The following SYTL3 variants were observed in gnomAD, a reference collection of about 807,000 sequenced individuals.
SYTL3 encodes synaptotagmin like 3.
Under a neutral mutation model 82.1 loss-of-function variants are expected in SYTL3, and 88 were observed. The ratio of observed to expected loss-of-function variants is 1.07; its 90% CI spans 0.90 to 1.28. The LOEUF (loss-of-function observed/expected upper bound fraction) is 1.28, where lower values mean the gene tolerates loss of function less well. Ranked by LOEUF, SYTL3 falls within the 50% of genes most tolerant of loss-of-function variation. The pLI, the probability that SYTL3 is intolerant of heterozygous loss-of-function variation, is 0.00. For synonymous variants in SYTL3, 311 were observed against 289.4 expected (o/e 1.07, Z -0.76); for missense variants, 831 against 757.6 (o/e 1.10, Z -1.14).
chr6:158,745,452 T>G, intron 11 of SYTL3, 28 bp from the exon 12 acceptor site: 1 of 1,583,736 alleles, frequency 6.3e-7, no homozygotes, highest in Non-Finnish European at 8.6e-7. Context: ...CTGAAGTAAC[T>G]TATTATATCT....
At position 158,764,521 on chromosome 6, in the gene SYTL3, G is replaced by A. The variant is rs1392844095; in HGVS notation, c.1750G>A (p.Ala584Thr). 6.2e-7 allele frequency: 1 copy of A among 1,613,970 alleles called. No individual in the cohort carries two copies. Among genetic ancestry groups the A allele is most frequent in the Admixed American group, 1.7e-5 (1 of 60,030 alleles). The part of the protein sequence containing the change: ...SKGDTAVGGD[A>T]CSLSKLQWQK... ...GGGAGACACAGCTGTTGGCGGGGAT[G>A]CATGCTCACTATCGAAGCTCCAGTG... The change falls in exon 18 of 18, where the codon GCA becomes ACA. Residue 584 changes from alanine to threonine, a missense_variant. By Grantham distance (58) the Ala-to-Thr change is moderately conservative. Transcript: ENST00000611299.
intron 6 of SYTL3, among the ~76,000 whole-genome samples, chr6:158,697,917 G>A (rs1434430929): frequency 6.6e-6 from 1 of 152,186 alleles, no homozygotes; most frequent in African/African-American, 2.4e-5. Context: ...TCTGGTGGCA[G>A]AAGGATGCTG....
intron 2 of SYTL3, among the ~76,000 whole-genome samples, chr6:158,659,012 G>A (rs1045676821): frequency 1.3e-5 from 2 of 152,214 alleles, no homozygotes; most frequent in Admixed American, 1.3e-4. Context: ...GTTGATTGTT[G>A]TTCTAAGTGC....
intron 12 of SYTL3, among the ~76,000 whole-genome samples, chr6:158,747,142 A>G (rs1165723954): frequency 6.6e-6 from 1 of 151,536 alleles, no homozygotes; most frequent in Non-Finnish European, 1.5e-5. Context: ...GCCCGCCACC[A>G]CACCTGGCTA....
rs1308024914 is a variant in SYTL3 at position 158,651,859 on chromosome 6, A to G, written c.-637+17A>G. 6.6e-6 allele frequency: 1 copy of G among 151,840 alleles called. No individual in the cohort carries two copies. The highest frequency in any genetic ancestry group is 1.5e-5 in the Non-Finnish European group (1 of 67,970). 9.4% of individuals were successfully genotyped at this position (151,840 alleles called of 1,614,324 possible). On this transcript the variant is annotated intron_variant, in intron 2 of 17. Coordinates refer to ENST00000611299, the MANE Select transcript of SYTL3 (RefSeq NM_001242394.2). ...CTCTCTCAGGTAGGCTTCAAGTTTTATAGATTCAAGCCCACGTGTGAGTCT... is the reference window on the plus strand; with the variant it reads ...CTCTCTCAGGTAGGCTTCAAGTTTTGTAGATTCAAGCCCACGTGTGAGTCT...
At position 158,718,218 on chromosome 6, in the gene SYTL3, T is replaced by C; in HGVS notation, c.720+7T>C. The C allele has an allele frequency of 6.6e-7, 1 of 1,522,820 alleles. No individual in the cohort carries two copies. The highest frequency in any genetic ancestry group is 8.8e-7 in the Non-Finnish European group (1 of 1,132,726). 94.3% of individuals were successfully genotyped at this position (1,522,820 alleles called of 1,614,324 possible). ...GGTCAACGTCACCACCAGGGTACCC[T>C]GAGCCCCACAAGGCCTCCACGCTGA... On this transcript the variant is annotated splice_region_variant and intron_variant, in intron 10 of 17. Coordinates refer to ENST00000611299, the MANE Select transcript of SYTL3 (RefSeq NM_001242394.2).
At position 158,764,669 on chromosome 6, in the gene SYTL3, C is replaced by T. The variant is rs562298559; in HGVS notation, c.*65C>T. 36 of 1,192,888 alleles carry T rather than the reference C, an allele frequency of 3.0e-5. No individual in the cohort carries two copies. The highest frequency in any genetic ancestry group is 6.8e-5 in the Admixed American group (4 of 58,644). 73.9% of individuals were successfully genotyped at this position (1,192,888 alleles called of 1,614,324 possible). A position where few individuals can be genotyped will look rare whatever the true frequency, so the allele number is the denominator to read the frequency against. On this transcript the variant is annotated 3_prime_UTR_variant, in exon 18 of 18. Transcript: ENST00000611299. ...GCACTGTGCGTCTGCAGAGGGGCTA[C>T]GAACCAGGTGCAGGGTCCCAGCTGG... is the stretch of plus-strand genomic sequence containing the variant.
intron 6 of SYTL3, among the ~76,000 whole-genome samples, chr6:158,704,346 C>T (rs1175824335): frequency 6.6e-6 from 1 of 152,222 alleles, no homozygotes; most frequent in African/African-American, 2.4e-5. Flanking sequence ...CCAGGCCCCG[C>T]CTGTGCCCCG....
intron 10 of SYTL3, among the ~76,000 whole-genome samples, chr6:158,719,349 G>A (rs563272054): frequency 1.3e-5 from 2 of 152,334 alleles, no homozygotes; most frequent in East Asian, 3.9e-4. Context: ...AAAGAGGACT[G>A]AACTCTGAGG....
chr6:158,694,181 A>G (rs542368041), intron 6 of SYTL3, among the ~76,000 whole-genome samples: 1 of 152,330 alleles, frequency 6.6e-6, no homozygotes, highest in African/African-American at 2.4e-5. Flanking sequence ...TAGAGCCAAG[A>G]CTATCAAATC....
intron 5 of SYTL3, among the ~76,000 whole-genome samples, chr6:158,672,437 T>C (rs1777499435): frequency 6.6e-6 from 1 of 152,190 alleles, no homozygotes; most frequent in South Asian, 2.1e-4. Flanking sequence ...ACTCAGTAAA[T>C]GCAGCCATGT....
intron 10 of SYTL3, 27 bp downstream of exon 10, chr6:158,718,238 C>T (rs41267057): frequency 0.14 from 211,720 of 1,478,072 alleles, 16,325 homozygotes; most frequent in Non-Finnish European, 0.16. Context: ...AAGGCCTCCA[C>T]GCTGATCACC....
rs371220640 is a variant in SYTL3, at chr6:158,663,339, G to A, written c.71G>A (p.Arg24Gln). Residue 24 changes from arginine (R) to glutamine (Q), a missense_variant, in exon 4 of 18, where the codon CGA becomes CAA. Transcript: ENST00000611299. ...EREAILQVLY[R>Q]DQAVQNTEEE... ...GAGGCCATTCTCCAGGTCCTGTACCGAGACCAGGCGGTTCAAAACACAGAG... is the reference window on the plus strand; with the variant it reads ...GAGGCCATTCTCCAGGTCCTGTACCAAGACCAGGCGGTTCAAAACACAGAG... 1.6e-5 allele frequency: 26 copies of A among 1,613,934 alleles called. No individual in the cohort carries two copies. The East Asian group carries it at 3.3e-4, about 21-fold the overall frequency.
chr6:158,708,508 T>C, intron 8 of SYTL3, 117 bp downstream of exon 8: 2 of 999,178 alleles, frequency 2.0e-6, no homozygotes, highest in Non-Finnish European at 3.1e-6. Flanking sequence ...GGGATCTGAC[T>C]GTGCCTGGAG....
intron 8 of SYTL3, among the ~76,000 whole-genome samples, chr6:158,708,923 C>T (rs1195469012): frequency 6.6e-6 from 1 of 152,118 alleles, no homozygotes; most frequent in Non-Finnish European, 1.5e-5. Flanking sequence ...TCCCAATACG[C>T]CCAAAGTAAA....
At chr6:158,671,129 A>AC (rs1777336144) in intron 5 of SYTL3, among the ~76,000 whole-genome samples, 1 of 152,020 alleles carries the variant, frequency 6.6e-6, no homozygotes, top group Non-Finnish European at 1.5e-5. Context: ...AGAAAAAAAA[A>AC]GTTTCTTTTG....
intron 6 of SYTL3, among the ~76,000 whole-genome samples, chr6:158,693,097 G>A (rs893017757): frequency 6.6e-6 from 1 of 152,108 alleles, no homozygotes; most frequent in African/African-American, 2.4e-5. Flanking sequence ...GGATGATTCT[G>A]TAAAGCTTTC....
intron 5 of SYTL3, among the ~76,000 whole-genome samples, chr6:158,680,936 A>G (rs879808514): frequency 6.6e-6 from 1 of 152,208 alleles, no homozygotes; most frequent in Non-Finnish European, 1.5e-5. Context: ...GCATATTTTG[A>G]AAAACGTGCA....
intron 6 of SYTL3, among the ~76,000 whole-genome samples, chr6:158,701,477 T>G (rs1781269975): frequency 8.0e-6 from 1 of 124,850 alleles, no homozygotes; most frequent in Non-Finnish European, 1.7e-5. Flanking sequence ...TGAAGGACTG[T>G]CTGGGGGGAG....
Sources: gnomAD v4.1 joint callset for allele counts (sites outside exome capture counted in the v4.1 genomes callset) on GRCh38, gnomAD v4.1.1 for gene constraint, MANE v1.5 for transcripts, NCBI Gene and HGNC (gene_info 2026-07-23, HGNC 2026-07-21) for gene names.